AFG1L: variants seen among roughly 807,000 people sequenced by gnomAD.
The protein encoded by AFG1L is AFG1 like ATPase, also known as AFG1-like ATPase.
A neutral mutation model predicts 62.2 loss-of-function variants in AFG1L; 53 were observed. That is an observed-to-expected ratio of 0.85 (90% CI 0.68 to 1.07). The LOEUF is 1.07. AFG1L is among the 50% of genes least tolerant of loss of function. AFG1L has a pLI of 0.00. For synonymous variants in AFG1L, 228 were observed against 210.3 expected (o/e 1.08, Z -0.73); for missense variants, 555 against 590.5 (o/e 0.94, Z 0.62).
intron 1 of AFG1L, among the ~76,000 whole-genome samples, chr6:108,321,682 A>G (rs955331783): frequency 6.6e-6 from 1 of 152,202 alleles, no homozygotes; most frequent in Admixed American, 6.5e-5. Context: ...GGGAACATTT[A>G]GGAACTCTCA....
At chr6:108,347,084 T>C (rs1778891804) in intron 3 of AFG1L, 45 bp downstream of exon 3, 1 of 1,430,880 alleles carries the variant, frequency 7.0e-7, no homozygotes, top group South Asian at 1.2e-5. Context: ...ACAGAAAGTT[T>C]CTCAGCTTTC....
chr6:108,468,171 G>A (rs147535344), intron 8 of AFG1L, among the ~76,000 whole-genome samples: 45 of 152,324 alleles, frequency 3.0e-4, no homozygotes, highest in Admixed American at 5.9e-4. Context: ...GTTGGTTGAA[G>A]CAGAGCCAAC....
At chr6:108,401,229 G>A (rs888576245) in intron 6 of AFG1L, among the ~76,000 whole-genome samples, 2 of 148,060 alleles carry the variant, frequency 1.4e-5, no homozygotes, top group African/African-American at 2.5e-5. Flanking sequence ...TGCAAGCTCC[G>A]CTTCCCGGGT....
chr6:108,307,992 C>G (rs570654803), intron 1 of AFG1L, among the ~76,000 whole-genome samples: 14 of 152,232 alleles, frequency 9.2e-5, no homozygotes, highest in Admixed American at 2.6e-4. Flanking sequence ...TGCACATTGT[C>G]TGTTTCTTAA....
chr6:108,418,083 C>T (rs1355444452), intron 7 of AFG1L, among the ~76,000 whole-genome samples: 2 of 152,208 alleles, frequency 1.3e-5, no homozygotes, highest in African/African-American at 4.8e-5. Context: ...CCACCTGCCT[C>T]GGCCTCCCAA....
intron 1 of AFG1L, among the ~76,000 whole-genome samples, chr6:108,317,551 A>G (rs1283011317): frequency 1.3e-5 from 2 of 152,188 alleles, no homozygotes; most frequent in African/African-American, 4.8e-5. Context: ...CAGTTGGAGA[A>G]GTCACAAATC....
intron 7 of AFG1L, among the ~76,000 whole-genome samples, chr6:108,425,770 TTA>T (rs956051090): frequency 2.0e-5 from 3 of 152,276 alleles, no homozygotes; most frequent in African/African-American, 7.2e-5. Context: ...AAGGAACTCT[TTA>T]TCTTTCTTTT....
intron 2 of AFG1L, among the ~76,000 whole-genome samples, chr6:108,336,977 G>T (rs891024959): frequency 4.6e-5 from 7 of 152,104 alleles, no homozygotes; most frequent in African/African-American, 1.7e-4. Flanking sequence ...ATCTAAAGTA[G>T]GGTTGGCAGA....
At chr6:108,503,507 A>T (rs1451514751) in intron 10 of AFG1L, among the ~76,000 whole-genome samples, 1 of 152,196 alleles carries the variant, frequency 6.6e-6, no homozygotes, top group African/African-American at 2.4e-5. Flanking sequence ...TAGCTCTTAA[A>T]GGGGGCTTAA....
chr6:108,464,852 G>A (rs975171601), intron 8 of AFG1L, among the ~76,000 whole-genome samples: 1 of 151,966 alleles, frequency 6.6e-6, no homozygotes, highest in Non-Finnish European at 1.5e-5. Flanking sequence ...TTTCTTTACT[G>A]TGATCAACGT....
intron 7 of AFG1L, among the ~76,000 whole-genome samples, chr6:108,433,318 C>A (rs1163007931): frequency 6.6e-6 from 1 of 151,876 alleles, no homozygotes; most frequent in South Asian, 2.1e-4. Context: ...CTTGCTCAGT[C>A]GCCCAGGCTG....
intron 2 of AFG1L, 108 bp downstream of exon 2, chr6:108,324,156 C>T (rs992722623): frequency 6.7e-6 from 5 of 751,718 alleles, no homozygotes; most frequent in Non-Finnish European, 8.5e-6. Context: ...AAAATTTTCA[C>T]CAGTTCCTTT....
rs190753314 is a variant in AFG1L, at chr6:108,421,705, G to A, written c.807+19651G>A. On this transcript the variant is annotated intron_variant, in intron 7 of 12. Transcript: ENST00000368977. Reference sequence around the variant, plus strand: ...ATGCATCACAAGTTTTCAGTTGTTCGTAATGAGGTAGCGGACCTCATCAGG... The same window carrying A: ...ATGCATCACAAGTTTTCAGTTGTTCATAATGAGGTAGCGGACCTCATCAGG... Among the ~76,000 whole-genome samples the A allele has an allele frequency of 1.8e-4, 27 of 152,218 alleles. No individual in the cohort carries two copies. In the East Asian group the frequency reaches 4.8e-3, roughly 27 times the overall value.
chr6:108,324,646 C>T (rs557630249), intron 2 of AFG1L, among the ~76,000 whole-genome samples: 19 of 152,114 alleles, frequency 1.2e-4, no homozygotes, highest in Admixed American at 6.6e-4. Flanking sequence ...CTGCCGACAC[C>T]GCCTTGCTCT....
intron 8 of AFG1L, among the ~76,000 whole-genome samples, chr6:108,453,337 A>C (rs1282265849): frequency 1.3e-5 from 2 of 152,268 alleles, no homozygotes; most frequent in African/African-American, 4.8e-5. Context: ...AGATTTCAAA[A>C]AAAAAGTTTT....
At chr6:108,449,375 C>T (rs980184332) in intron 8 of AFG1L, among the ~76,000 whole-genome samples, 1 of 151,992 alleles carries the variant, frequency 6.6e-6, no homozygotes, top group Non-Finnish European at 1.5e-5. Flanking sequence ...GGGCACCCCT[C>T]AGTCAGAGGA....
At chr6:108,520,111 G>T in intron 12 of AFG1L, 1 of 235,608 alleles carries the variant, frequency 4.2e-6, no homozygotes, top group Non-Finnish European at 8.4e-6. Flanking sequence ...ATAATGGCAG[G>T]CCAGAGCTGG....
At chr6:108,446,177 C>T (rs1207248401) in intron 7 of AFG1L, among the ~76,000 whole-genome samples, 1 of 151,958 alleles carries the variant, frequency 6.6e-6, no homozygotes, top group African/African-American at 2.4e-5. Context: ...AGTACATTTG[C>T]TCTCAAAGTA....
chr6:108,372,526 C>T (rs1780058097), intron 6 of AFG1L, among the ~76,000 whole-genome samples: 1 of 152,034 alleles, frequency 6.6e-6, no homozygotes, highest in Non-Finnish European at 1.5e-5. Flanking sequence ...GATGGGGTTT[C>T]ACTATGTTGG....
Sources: allele counts gnomAD v4.1 joint callset (sites outside exome capture counted in the v4.1 genomes callset), GRCh38; gene constraint gnomAD v4.1.1; transcripts MANE v1.5; gene names NCBI Gene and HGNC (gene_info 2026-07-23, HGNC 2026-07-21).